Variants in INVS observed in about 807,000 individuals in gnomAD.
The protein encoded by INVS is inversion of embryo turning homolog.
A neutral mutation model predicts 108.8 loss-of-function variants in INVS; 86 were observed. The ratio of observed to expected loss-of-function variants is 0.79; its 90% confidence interval spans 0.66 to 0.95. The LOEUF (loss-of-function observed/expected upper bound fraction) is 0.95. Ranked by LOEUF, INVS falls within the 40% of genes least tolerant of loss-of-function variation. INVS has a pLI of 0.00. For synonymous variants in INVS, 455 were observed against 473.5 expected (o/e 0.96, Z 0.51); for missense variants, 1,169 against 1,297.4 (o/e 0.90, Z 1.52).
chr9:100,264,238 G>T (rs1240999671), intron 10 of INVS, among the ~76,000 whole-genome samples: 1 of 152,024 alleles, frequency 6.6e-6, no homozygotes, highest in South Asian at 2.1e-4. Flanking sequence ...TTAGATTCAG[G>T]TTTCACATTT....
At chr9:100,255,352 A>C (rs1443091262) in intron 10 of INVS, among the ~76,000 whole-genome samples, 2 of 152,238 alleles carry the variant, frequency 1.3e-5, no homozygotes, top group Admixed American at 6.5e-5. Context: ...CAATCATGTC[A>C]TCCGCAAACA....
At chr9:100,145,806 T>G (rs970883391) in intron 3 of INVS, among the ~76,000 whole-genome samples, 3 of 152,108 alleles carry the variant, frequency 2.0e-5, no homozygotes, top group Non-Finnish European at 4.4e-5. Context: ...GCCGGAGTTT[T>G]GGGTCCACGG....
intron 3 of INVS, among the ~76,000 whole-genome samples, chr9:100,146,647 T>C (rs935313521): frequency 6.6e-6 from 1 of 152,238 alleles, no homozygotes; most frequent in Non-Finnish European, 1.5e-5. Flanking sequence ...CCAGTGACAC[T>C]ATATTTAATT....
chr9:100,300,981 G>A lies in INVS; in HGVS notation c.*307G>A. On this transcript the variant is annotated 3_prime_UTR_variant, in exon 17 of 17. Coordinates refer to ENST00000262457, the MANE Select transcript of INVS (RefSeq NM_014425.5). ...TGGAAATGAGAATTCATAATTAACA[G>A]CAAAATCTAAGGAAAACTACGGCTG... is the stretch of plus-strand genomic sequence containing the variant. 5.7e-6 allele frequency: 2 copies of A among 352,594 alleles called. No individual in the cohort carries two copies. Among genetic ancestry groups the A allele is most frequent in the Non-Finnish European group, 5.3e-6 (1 of 190,336 alleles). The allele number at this position is 352,594 out of a possible 1,614,324, so 21.8% of individuals were successfully genotyped here. A position where few individuals can be genotyped will look rare whatever the true frequency, so the allele number is the denominator to read the frequency against.
chr9:100,202,008 T>C (rs1022178623), intron 3 of INVS, among the ~76,000 whole-genome samples: 11 of 151,518 alleles, frequency 7.3e-5, no homozygotes, highest in African/African-American at 2.2e-4. Flanking sequence ...CAGAGGCGGG[T>C]ACAGTCATTA....
chr9:100,288,981 T>C (rs1454876923), intron 13 of INVS, among the ~76,000 whole-genome samples: 1 of 152,182 alleles, frequency 6.6e-6, no homozygotes, highest in Non-Finnish European at 1.5e-5. Flanking sequence ...TTGGAAAGAA[T>C]AAAAATGTTA....
At chr9:100,240,756 A>T (rs186678775) in intron 6 of INVS, among the ~76,000 whole-genome samples, 2 of 152,198 alleles carry the variant, frequency 1.3e-5, no homozygotes, top group African/African-American at 4.8e-5. Flanking sequence ...TTACCCATTA[A>T]TAGTCATTGT....
At chr9:100,205,097 G>A (rs1241130413) in intron 3 of INVS, among the ~76,000 whole-genome samples, 1 of 152,122 alleles carries the variant, frequency 6.6e-6, no homozygotes, top group East Asian at 1.9e-4. Flanking sequence ...AAAAGTCTGT[G>A]CATAGTTTTT....
chr9:100,125,492 G>A (rs570002688), intron 2 of INVS, among the ~76,000 whole-genome samples: 7 of 152,060 alleles, frequency 4.6e-5, no homozygotes, highest in African/African-American at 7.2e-5. Context: ...AACAGAAAAC[G>A]CTTCAGGGAA....
intron 3 of INVS, among the ~76,000 whole-genome samples, chr9:100,184,890 A>G (rs151113937): frequency 6.6e-6 from 1 of 152,350 alleles, no homozygotes; most frequent in East Asian, 1.9e-4. Flanking sequence ...ATGGAAAATG[A>G]CAGGAGTAGA....
At chr9:100,212,123 A>G (rs1217751545) in intron 3 of INVS, among the ~76,000 whole-genome samples, 1 of 152,144 alleles carries the variant, frequency 6.6e-6, no homozygotes, top group Non-Finnish European at 1.5e-5. Flanking sequence ...TTCCCTATAA[A>G]ATCACTTTAA....
chr9:100,296,781 A>C, intron 14 of INVS, 136 bp from the exon 15 acceptor site: 1 of 715,868 alleles, frequency 1.4e-6, no homozygotes, highest in Non-Finnish European at 2.5e-6. Flanking sequence ...CTGCCGCCAA[A>C]ATTAGGAATG....
chr9:100,215,012 C>T (rs1356849744), intron 3 of INVS: 20 of 152,160 alleles, frequency 1.3e-4, no homozygotes, highest in Admixed American at 1.3e-3. Context: ...TCCAATCATC[C>T]CCTACTTGTG....
intron 8 of INVS, among the ~76,000 whole-genome samples, chr9:100,247,958 G>A (rs897080601): frequency 3.3e-5 from 5 of 152,094 alleles, no homozygotes; most frequent in South Asian, 2.1e-4. Context: ...GCAGGTGGAC[G>A]CCACCACGCC....
At chr9:100,226,899 G>T (rs1011641356) in intron 4 of INVS, among the ~76,000 whole-genome samples, 1 of 151,818 alleles carries the variant, frequency 6.6e-6, no homozygotes, top group Non-Finnish European at 1.5e-5. Flanking sequence ...ACTATAGGTG[G>T]TTAGACTCAT....
intron 2 of INVS, among the ~76,000 whole-genome samples, chr9:100,114,312 G>C (rs1441914801): frequency 6.7e-6 from 1 of 148,448 alleles, no homozygotes. Context: ...TCTGTTTTCT[G>C]TCTCTATAGT....
At chr9:100,287,162 T>C (rs574137366) in intron 13 of INVS, among the ~76,000 whole-genome samples, 2 of 152,356 alleles carry the variant, frequency 1.3e-5, no homozygotes, top group South Asian at 4.1e-4. Flanking sequence ...TGTCTAGCAA[T>C]TGATGCTGGC....
At chr9:100,138,860 C>T (rs1237742790) in intron 3 of INVS, among the ~76,000 whole-genome samples, 2 of 151,016 alleles carry the variant, frequency 1.3e-5, no homozygotes, top group African/African-American at 4.9e-5. Flanking sequence ...GGGCCTGCCA[C>T]CACGCCTGGA....
chr9:100,277,910 T>A (rs1364576588), intron 12 of INVS, among the ~76,000 whole-genome samples: 3 of 152,100 alleles, frequency 2.0e-5, no homozygotes, highest in African/African-American at 7.2e-5. Context: ...CCAACAGAAG[T>A]GGAATTATCA....
Sources: gnomAD v4.1 joint callset for allele counts (sites outside exome capture counted in the v4.1 genomes callset) on GRCh38, gnomAD v4.1.1 for gene constraint, MANE v1.5 for transcripts, NCBI Gene and HGNC (gene_info 2026-07-23, HGNC 2026-07-21) for gene names.